APOB: variants seen among roughly 807,000 people sequenced by gnomAD.
APOB encodes apolipoprotein B, also known as apolipoprotein B-100.
Under a neutral mutation model 314.1 loss-of-function variants are expected in APOB, and 153 were observed. That is an observed-to-expected ratio of 0.49 (90% CI 0.43 to 0.56). APOB has a LOEUF of 0.56. APOB is among the 20% of genes least tolerant of loss of function. The pLI is 0.00. For synonymous variants in APOB, 2,087 were observed against 2,036.4 expected, an observed-to-expected ratio of 1.02 and a Z score of -0.67; for missense variants, 5,430 against 5,350.7, an observed-to-expected ratio of 1.01 and a Z score of -0.46.
In APOB at chr2:21,007,379, T is replaced by C. The variant is rs754832731; in HGVS notation, c.9489A>G (p.Lys3163=). 6.2e-7 allele frequency: 1 copy of C among 1,614,066 alleles called. No individual in the cohort carries two copies. Among genetic ancestry groups the C allele is most frequent in the Non-Finnish European group, 8.5e-7 (1 of 1,179,956 alleles). ...WEKTGLKEFL[K]TTKQSFDLSV... is the part of the protein sequence containing the mutation. ...TTAAATCAAATGATTGCTTTGTCGTTTTCAAGAATTCCTTCAAGCCTGTTT... is the reference window on the plus strand; with the variant it reads ...TTAAATCAAATGATTGCTTTGTCGTCTTCAAGAATTCCTTCAAGCCTGTTT... Residue 3163 remains lysine, a synonymous_variant, in exon 26 of 29, where the codon AAA becomes AAG. Coordinates refer to ENST00000233242, the MANE Select transcript of APOB (RefSeq NM_000384.3).
chr2:21,024,583 A>T (rs565176782), intron 16 of APOB: 2 of 472,094 alleles, frequency 4.2e-6, no homozygotes, highest in East Asian at 7.3e-5. Context: ...GTATCACTGC[A>T]CTCCAGCCTG....
intron 28 of APOB, 102 bp from the exon 29 acceptor site, chr2:21,003,436 ATCTT>A: frequency 9.7e-7 from 1 of 1,027,622 alleles, no homozygotes; most frequent in Admixed American, 1.9e-5. Flanking sequence ...AGATCAGAGA[ATCTT>A]TCATATACTG....
chr2:21,013,260 G>A lies in APOB; in HGVS notation c.4116C>T (p.Ser1372=). 1 of 1,614,210 alleles carries A rather than the reference G, an allele frequency of 6.2e-7. No homozygotes were observed. Among genetic ancestry groups the A allele is most frequent in the Non-Finnish European group, 8.5e-7 (1 of 1,180,040 alleles). The change falls in exon 25 of 29, where the codon TCC becomes TCT. Residue 1372 remains serine (S), a synonymous_variant. Transcript: ENST00000233242. ...VYSNLYNWSA[S]YSGGNTSTDH... is the part of the protein sequence containing the mutation. ...CTGTGCTGGTGTTGCCACCACTGTA[G>A]GAGGCGGACCAGTTGTACAAGTTGC...
intron 18 of APOB, among the ~76,000 whole-genome samples, chr2:21,021,120 C>G (rs541536268): frequency 6.6e-6 from 1 of 152,202 alleles, no homozygotes; most frequent in African/African-American, 2.4e-5. Context: ...CTGGTTGTTT[C>G]ATAGGAGGAC....
rs141657364 is a variant in APOB at position 21,011,057 on chromosome 2, A to G, written c.5811T>C (p.Pro1937=). 4.2e-5 allele frequency: 68 copies of G among 1,614,100 alleles called. No homozygotes were observed. The African/African-American group carries it at 8.5e-4, about 20-fold the overall frequency. ...LYSKFLLKAE[P]LAFTFSHDYK... ...AATCATGAGAGAAAGTAAATGCCAG[A>G]GGTTCTGCTTTCAACAGGAATTTGC... Residue 1937 remains proline (P), a synonymous_variant, in exon 26 of 29, where the codon CCT becomes CCC. Transcript: ENST00000233242.
rs1019200690 is a variant in APOB, at chr2:21,023,705, C to G, written c.2437-13G>C. 6.3e-7 allele frequency: 1 copy of G among 1,577,070 alleles called. No individual in the cohort carries two copies. Among genetic ancestry groups the G allele is most frequent in the East Asian group, 2.3e-5 (1 of 44,314 alleles). ...TGACCTCTCCAATCTGTAGACCCAA[C>G]AAGGGAGAGCAAATAAAAGTAAGTC... On this transcript the variant is annotated splice_polypyrimidine_tract_variant and intron_variant, in intron 16 of 28. Transcript: ENST00000233242.
intron 24 of APOB, among the ~76,000 whole-genome samples, chr2:21,013,964 G>T (rs551862453): frequency 6.6e-6 from 1 of 152,184 alleles, no homozygotes; most frequent in Non-Finnish European, 1.5e-5. Flanking sequence ...GCACATAGGG[G>T]ATACTTGATA....
intron 25 of APOB, 70 bp from the exon 26 acceptor site, chr2:21,012,721 G>A (rs1663360758): frequency 6.5e-7 from 1 of 1,536,306 alleles, no homozygotes; most frequent in African/African-American, 1.4e-5. Context: ...TATGTTGAAA[G>A]TCTTTCAATA....
chr2:21,028,283 C>A, intron 13 of APOB, 44 bp downstream of exon 13: 1 of 1,531,414 alleles, frequency 6.5e-7, no homozygotes, highest in Middle Eastern at 1.7e-4. Flanking sequence ...GGAATTCCAG[C>A]TCAGGGCCCT....
At position 21,011,948 on chromosome 2, in the gene APOB, A is replaced by G; in HGVS notation, c.4920T>C (p.Ala1640=). 1 of 1,614,052 alleles carries G rather than the reference A, an allele frequency of 6.2e-7. No homozygotes were observed. The highest frequency in any genetic ancestry group is 1.1e-5 in the South Asian group (1 of 91,080). The stretch of plus-strand genomic sequence containing the variant: ...GGCCAATCCTTAGTGTCGCCTTGTG[A>G]GCACCACTATTAATTTTGTCAGTGC... ...ILGTDKINSG[A]HKATLRIGQD... is the part of the protein sequence containing the mutation. Residue 1640 remains alanine, a synonymous_variant, in exon 26 of 29, where the codon GCT becomes GCC. Transcript: ENST00000233242.
rs1663823267 is a variant in APOB, at chr2:21,029,490, AGGG to A, written c.1617+146_1617+148del. The stretch of plus-strand genomic sequence containing the variant: ...AAGGAAGGAAAGAAGAAAGGGAGGG[AGGG>A]AGGAAGGAAGGAAGGAAGGAAGGAA... On this transcript the variant is annotated intron_variant, in intron 12 of 28. Coordinates refer to ENST00000233242, the MANE Select transcript of APOB (RefSeq NM_000384.3). 4 of 843,012 alleles carry A rather than the reference AGGG, an allele frequency of 4.7e-6. No individual in the cohort carries two copies. The East Asian group carries it at 1.1e-4, about 23-fold the overall frequency. The allele number at this position is 843,012 out of a possible 1,614,324, so 52.2% of individuals were successfully genotyped here. A position where few individuals can be genotyped will look rare whatever the true frequency, so the allele number is the denominator to read the frequency against.
In APOB at chr2:21,037,081, G is replaced by T. The variant is rs752034647; in HGVS notation, c.693+19C>A. On this transcript the variant is annotated intron_variant, in intron 6 of 28. Coordinates refer to ENST00000233242, the MANE Select transcript of APOB (RefSeq NM_000384.3). ...AGGATGCTCCTTGCTGTGCACGACA[G>T]TGCTGACATGGGACTTACCATGCCT... 7 of 1,614,144 alleles carry T rather than the reference G, an allele frequency of 4.3e-6. No individual in the cohort carries two copies. The highest frequency in any genetic ancestry group is 5.9e-6 in the Non-Finnish European group (7 of 1,180,018).
At chr2:21,038,393 A>G (rs1439682438) in intron 4 of APOB, among the ~76,000 whole-genome samples, 1 of 151,538 alleles carries the variant, frequency 6.6e-6, no homozygotes, top group Non-Finnish European at 1.5e-5. Flanking sequence ...CTGGAGTGCA[A>G]TGGCGCAACC....
Position 21,009,082 on chromosome 2 carries a change from T to C in APOB, c.7786A>G (p.Thr2596Ala). 6.2e-7 allele frequency: 1 copy of C among 1,614,064 alleles called. No individual in the cohort carries two copies. The highest frequency in any genetic ancestry group is 8.5e-7 in the Non-Finnish European group (1 of 1,179,958). ...AGACTGACTTCAAAGGCAGGCATGG[T>C]CCCAAGGATGGTCTTGATTTCAGGA... ...TVPEIKTILG[T>A]MPAFEVSLQA... Residue 2596 changes from threonine to alanine, a missense_variant, in exon 26 of 29, where the codon ACC (threonine) becomes GCC (alanine). Thr to Ala is a moderately conservative substitution (Grantham distance 58). Around this residue, in one of 3 missense-constraint regions of APOB, gnomAD observed 3,281 missense variants for 3,171.0 expected, o/e 1.03. Transcript: ENST00000233242.
At chr2:21,030,156 C>CA in intron 10 of APOB, 141 bp from the exon 11 acceptor site, 2 of 661,258 alleles carry the variant, frequency 3.0e-6, no homozygotes, top group Non-Finnish European at 5.3e-6. Flanking sequence ...CAATTTTAAG[C>CA]AAAAAGAACA....
At chr2:21,020,911 T>C in intron 18 of APOB, among the ~76,000 whole-genome samples, 1 of 152,184 alleles carries the variant, frequency 6.6e-6, no homozygotes, top group East Asian at 1.9e-4. Context: ...TTCTAACTCA[T>C]TGCTGGTTAT....
chr2:21,029,762 G>A lies in APOB; in HGVS notation c.1494C>T (p.Thr498=). Residue 498 remains threonine, a synonymous_variant, in exon 12 of 29, where the codon ACC becomes ACT. Coordinates refer to ENST00000233242, the MANE Select transcript of APOB (RefSeq NM_000384.3). ...ILRVIGNMGQ[T]MEQLTPELKS... ...TGAGTTCTGGAGTTAACTGCTCCAT[G>A]GTTTGGCCCATATTTCCAATGACCT... is the stretch of plus-strand genomic sequence containing the variant. 1 of 1,614,174 alleles carries A rather than the reference G, an allele frequency of 6.2e-7. No individual in the cohort carries two copies. The highest frequency in any genetic ancestry group is 1.1e-5 in the South Asian group (1 of 91,080).
At chr2:21,034,683 G>T in intron 8 of APOB, 133 bp downstream of exon 8, 1 of 745,926 alleles carries the variant, frequency 1.3e-6, no homozygotes, top group Non-Finnish European at 2.5e-6. Context: ...TTTCTCACTA[G>T]AGGTAGCCAG....
intron 5 of APOB, 145 bp from the exon 6 acceptor site, chr2:21,037,400 G>T: frequency 2.0e-6 from 2 of 976,788 alleles, no homozygotes; most frequent in Non-Finnish European, 3.1e-6. Flanking sequence ...TATGCAGAGT[G>T]TGGTCTTGCT....
Sources: gnomAD v4.1 joint callset for allele counts (sites outside exome capture counted in the v4.1 genomes callset) on GRCh38, gnomAD v4.1.1 for gene constraint, gnomAD v4.1.1 regional missense constraint, MANE v1.5 for transcripts, NCBI Gene and HGNC (gene_info 2026-07-23, HGNC 2026-07-21) for gene names.